Variants in ADAMTS17 observed in about 807,000 individuals in gnomAD.
The protein encoded by ADAMTS17 is A disintegrin and metalloproteinase with thrombospondin motifs 17.
A neutral mutation model predicts 141.5 loss-of-function variants in ADAMTS17; 113 were observed. The ratio of observed to expected loss-of-function variants is 0.80; its 90% CI spans 0.69 to 0.93. The LOEUF is 0.93. Among genes scored for constraint, ADAMTS17 ranks in the 40% least tolerant of loss-of-function variants. The probability of loss-of-function intolerance (pLI) is 0.00; values close to 1 mark genes in which losing one functional copy is unlikely to be tolerated. For synonymous variants in ADAMTS17, 768 were observed against 630.6 expected (o/e 1.22, Z -3.27); for missense variants, 1,659 against 1,517.9 (o/e 1.09, Z -1.54).
chr15:100,097,832 T>G (rs1249280095), intron 14 of ADAMTS17, among the ~76,000 whole-genome samples: 1 of 152,370 alleles, frequency 6.6e-6, no homozygotes, highest in Admixed American at 6.5e-5. Context: ...AATAGGTGAA[T>G]GCTCTTCATA....
At chr15:100,198,798 A>C (rs1210634520) in intron 8 of ADAMTS17, among the ~76,000 whole-genome samples, 1 of 152,224 alleles carries the variant, frequency 6.6e-6, no homozygotes, top group Non-Finnish European at 1.5e-5. Flanking sequence ...TCCTTAAGGC[A>C]AGCTCTAAGG....
chr15:99,978,501 T>C, intron 20 of ADAMTS17: 1 of 152,370 alleles, frequency 6.6e-6, no homozygotes, highest in Non-Finnish European at 1.5e-5. Flanking sequence ...GCCTTGTTCC[T>C]TTTCTTAGAT....
intron 7 of ADAMTS17, among the ~76,000 whole-genome samples, chr15:100,225,621 G>T (rs1459348970): frequency 6.8e-6 from 1 of 147,312 alleles, no homozygotes; most frequent in Non-Finnish European, 1.5e-5. Context: ...CAGCAGTCAC[G>T]GTCTCTGTGC....
At chr15:100,057,374 C>G (rs1173467854) in intron 15 of ADAMTS17, among the ~76,000 whole-genome samples, 2 of 152,112 alleles carry the variant, frequency 1.3e-5, no homozygotes, top group Non-Finnish European at 2.9e-5. Context: ...CACAGCCACA[C>G]CAGGGCCTGC....
At chr15:99,981,794 T>A (rs1406716500) in intron 20 of ADAMTS17, among the ~76,000 whole-genome samples, 2 of 152,190 alleles carry the variant, frequency 1.3e-5, no homozygotes, top group East Asian at 3.8e-4. Context: ...TAATTAAAAA[T>A]AAAACTGGAG....
chr15:100,229,871 G>A (rs1292005309), intron 7 of ADAMTS17, among the ~76,000 whole-genome samples: 1 of 152,232 alleles, frequency 6.6e-6, no homozygotes. Context: ...GAGCCAAGAT[G>A]AAAGGCCACA....
At chr15:99,992,843 G>C (rs1428408525) in intron 20 of ADAMTS17, among the ~76,000 whole-genome samples, 3 of 152,250 alleles carry the variant, frequency 2.0e-5, no homozygotes, top group Non-Finnish European at 1.5e-5. Context: ...GAGCCCCAAG[G>C]GGCAGTGCTG....
At position 99,976,050 on chromosome 15, in the gene ADAMTS17, C is replaced by G; in HGVS notation, c.3122G>C (p.Arg1041Pro). 2 of 1,549,992 alleles carry G rather than the reference C, an allele frequency of 1.3e-6. No homozygotes were observed. Among genetic ancestry groups the G allele is most frequent in the Non-Finnish European group, 1.7e-6 (2 of 1,146,026 alleles). ...GGGCCAGTGAAGACACTCACCAAGGCGGGGGGAGGTGATGGTGTTGGCGTT... is the reference window on the plus strand; with the variant it reads ...GGGCCAGTGAAGACACTCACCAAGGGGGGGGGAGGTGATGGTGTTGGCGTT... ...RINANTITSP[R>P]LAALTYKCTR... is the part of the protein sequence containing the mutation. The change falls in exon 21 of 22, where the codon CGC becomes CCC. Residue 1041 changes from arginine to proline, a missense_variant. By Grantham distance (103) the Arg-to-Pro change is moderately radical (BLOSUM62 -2). Coordinates refer to ENST00000268070, the MANE Select transcript of ADAMTS17 (RefSeq NM_139057.4).
At chr15:100,282,464 C>A (rs1022660849) in intron 3 of ADAMTS17, among the ~76,000 whole-genome samples, 2 of 152,172 alleles carry the variant, frequency 1.3e-5, no homozygotes, top group East Asian at 1.9e-4. Context: ...TGCATACATA[C>A]CTACGATGAC....
chr15:100,259,716 C>T (rs56109250), intron 6 of ADAMTS17, among the ~76,000 whole-genome samples: 7,889 of 152,320 alleles, frequency 0.052, 234 homozygotes, highest in Middle Eastern at 0.075. Flanking sequence ...GGGATTGGCA[C>T]GCTACAAAGC....
chr15:100,063,460 T>C (rs1423944184), intron 15 of ADAMTS17, among the ~76,000 whole-genome samples: 2 of 152,180 alleles, frequency 1.3e-5, no homozygotes, highest in Middle Eastern at 3.2e-3. Flanking sequence ...TCTTCCATCA[T>C]TTTCCTTCCT....
At chr15:99,978,371 A>G (rs1263373593) in intron 20 of ADAMTS17, 1 of 152,176 alleles carries the variant, frequency 6.6e-6, no homozygotes, top group Admixed American at 6.5e-5. Flanking sequence ...TGCTTTTTTC[A>G]GCTCACAAAG....
At chr15:100,140,507 A>ATATC (rs1491274374) in intron 10 of ADAMTS17, among the ~76,000 whole-genome samples, 1 of 139,892 alleles carries the variant, frequency 7.1e-6, no homozygotes, top group Non-Finnish European at 1.6e-5. Context: ...ATATATATAT[A>ATATC]TCCAGTAAAG....
intron 4 of ADAMTS17, among the ~76,000 whole-genome samples, chr15:100,276,608 C>G (rs2044105483): frequency 6.6e-6 from 1 of 152,096 alleles, no homozygotes; most frequent in Middle Eastern, 3.4e-3. Context: ...AAGGTGGCAA[C>G]CAACTCTAGC....
intron 7 of ADAMTS17, among the ~76,000 whole-genome samples, chr15:100,207,368 T>C (rs1315288743): frequency 1.3e-5 from 2 of 152,084 alleles, no homozygotes; most frequent in Non-Finnish European, 2.9e-5. Flanking sequence ...CTGTGTGCTG[T>C]GTAAGCCTCC....
At chr15:100,288,174 A>C (rs1164635403) in intron 3 of ADAMTS17, among the ~76,000 whole-genome samples, 2 of 152,340 alleles carry the variant, frequency 1.3e-5, no homozygotes, top group East Asian at 3.9e-4. Flanking sequence ...ACATCTACCA[A>C]GTAAATGGAA....
intron 3 of ADAMTS17, among the ~76,000 whole-genome samples, chr15:100,282,932 A>G (rs1281474855): frequency 6.6e-6 from 1 of 152,216 alleles, no homozygotes; most frequent in East Asian, 1.9e-4. Flanking sequence ...TCAGGCCCCA[A>G]AGGAAAATAA....
intron 3 of ADAMTS17, among the ~76,000 whole-genome samples, chr15:100,310,138 G>A (rs946843351): frequency 6.6e-6 from 1 of 152,188 alleles, no homozygotes; most frequent in African/African-American, 2.4e-5. Flanking sequence ...TCACGGATGT[G>A]CCGCTGAACA....
At chr15:100,240,313 C>T (rs1354063036) in intron 7 of ADAMTS17, among the ~76,000 whole-genome samples, 1 of 152,242 alleles carries the variant, frequency 6.6e-6, no homozygotes, top group Non-Finnish European at 1.5e-5. Flanking sequence ...CTTCTTCCTC[C>T]TCAGCCCCAG....
Sources: allele counts gnomAD v4.1 joint callset (sites outside exome capture counted in the v4.1 genomes callset), GRCh38; gene constraint gnomAD v4.1.1; transcripts MANE v1.5; gene names NCBI Gene and HGNC (gene_info 2026-07-23, HGNC 2026-07-21).